Variants in NUTF2 observed in about 807,000 individuals in gnomAD.
The protein encoded by NUTF2 is placental protein 15.
In NUTF2, 3 loss-of-function variants were observed where a neutral mutation model predicts 18.5. The observed-to-expected ratio is 0.16, with a 90% confidence interval of 0.07 to 0.42. The LOEUF (loss-of-function observed/expected upper bound fraction) is 0.42, where lower values mean the gene tolerates loss of function less well. Among genes scored for constraint, NUTF2 ranks in the 10% least tolerant of loss-of-function variants. The pLI is 0.99. For synonymous variants in NUTF2, 51 were observed against 57.9 expected (o/e 0.88, Z 0.54); for missense variants, 44 against 160.7 (o/e 0.27, Z 3.93).
At chr16:67,854,841 G>A (rs2057883888) in intron 1 of NUTF2, among the ~76,000 whole-genome samples, 1 of 152,078 alleles carries the variant, frequency 6.6e-6, no homozygotes, top group Admixed American at 6.5e-5. Context: ...CCAGCTACAC[G>A]GGAGGCAAGA....
intron 1 of NUTF2, among the ~76,000 whole-genome samples, chr16:67,849,514 G>A (rs2057836915): frequency 6.7e-6 from 1 of 150,250 alleles, no homozygotes. Context: ...GCTAATTTCT[G>A]TATTTTTAGT....
At chr16:67,854,873 C>T (rs927754881) in intron 1 of NUTF2, among the ~76,000 whole-genome samples, 5 of 151,988 alleles carry the variant, frequency 3.3e-5, no homozygotes, top group African/African-American at 7.2e-5. Context: ...ACCTGGGAGG[C>T]GGAGGTTGCG....
At chr16:67,856,492 G>GTTT (rs34691084) in intron 1 of NUTF2, among the ~76,000 whole-genome samples, 1 of 129,440 alleles carries the variant, frequency 7.7e-6, no homozygotes. Flanking sequence ...CCCTGGCCCA[G>GTTT]TTTTTTTTTT....
chr16:67,854,807 G>A (rs572410117), intron 1 of NUTF2, among the ~76,000 whole-genome samples: 2 of 152,268 alleles, frequency 1.3e-5, no homozygotes, highest in Admixed American at 1.3e-4. Context: ...AATTAGCAGG[G>A]CATGGTGGCA....
intron 2 of NUTF2, among the ~76,000 whole-genome samples, chr16:67,867,649 C>T (rs1316646609): frequency 2.6e-5 from 4 of 151,920 alleles, no homozygotes; most frequent in Non-Finnish European, 5.9e-5. Context: ...TAGCCTCGGC[C>T]CTGGAGGGTG....
chr16:67,856,223 C>G (rs535249714), intron 1 of NUTF2: 1 of 237,784 alleles, frequency 4.2e-6, no homozygotes, highest in African/African-American at 2.3e-5. Flanking sequence ...GAGACAGTCT[C>G]GCTCTGTCGC....
At position 67,865,108 on chromosome 16, in the gene NUTF2, G is replaced by A; in HGVS notation, c.-23G>A. 1.3e-6 allele frequency: 2 copies of A among 1,571,708 alleles called. No individual in the cohort carries two copies. Among genetic ancestry groups the A allele is most frequent in the Non-Finnish European group, 1.7e-6 (2 of 1,143,676 alleles). On this transcript the variant is annotated 5_prime_UTR_variant, in exon 2 of 5. It adds an upstream start codon to the 5' untranslated region. Coordinates refer to ENST00000219169, the MANE Select transcript of NUTF2 (RefSeq NM_005796.3). ...GGTCTCATTGGTCTTGCAGGTCTCC[G>A]TGAGGCCGGGTGACGCTCCAGAATG...
intron 1 of NUTF2, among the ~76,000 whole-genome samples, chr16:67,864,725 T>C (rs2057958781): frequency 6.6e-6 from 1 of 152,238 alleles, no homozygotes. Context: ...GAGGATTACA[T>C]GGAAAGATAC....
In NUTF2 at chr16:67,852,449, C is replaced by T. The variant is rs200592245; in HGVS notation, c.-30+5464C>T. 1.1e-4 allele frequency among the ~76,000 whole-genome samples: 17 copies of T among 151,042 alleles called. No individual in the cohort carries two copies. In the East Asian group the frequency reaches 2.2e-3, roughly 19 times the overall value. On this transcript the variant is annotated intron_variant, in intron 1 of 4. Transcript: ENST00000219169. The stretch of plus-strand genomic sequence containing the variant: ...TCGGCTCACTGCAACCCCCGCCCTC[C>T]GGGTTCAAGCAATTCTCCTGTGTCA...
intron 2 of NUTF2, among the ~76,000 whole-genome samples, chr16:67,866,645 T>C (rs561371416): frequency 1.3e-4 from 20 of 152,214 alleles, no homozygotes; most frequent in African/African-American, 4.1e-4. Flanking sequence ...TTTGTATTTT[T>C]TAGTAGAGAT....
chr16:67,868,528 A>G lies in NUTF2; in HGVS notation c.199A>G (p.Ser67Gly). The G allele has an allele frequency of 6.2e-7, 1 of 1,614,142 alleles. No homozygotes were observed. ...CCTTCCGTTCCAGAAAATTCAGCAC[A>G]GCATCACCGCGCAGGACCATCAGCC... The part of the protein sequence containing the change: ...SSLPFQKIQH[S>G]ITAQDHQPTP... The change falls in exon 4 of 5, where the codon AGC (serine) becomes GGC (glycine). Residue 67 changes from serine to glycine, a missense_variant. Coordinates refer to ENST00000219169, the MANE Select transcript of NUTF2 (RefSeq NM_005796.3).
At chr16:67,865,544 T>A (rs1192919768) in intron 2 of NUTF2, among the ~76,000 whole-genome samples, 1 of 152,168 alleles carries the variant, frequency 6.6e-6, no homozygotes, top group Non-Finnish European at 1.5e-5. Flanking sequence ...TGGTGCCCTC[T>A]GGAGGCAGCA....
intron 1 of NUTF2, among the ~76,000 whole-genome samples, chr16:67,854,559 T>C (rs974539544): frequency 6.6e-6 from 1 of 152,178 alleles, no homozygotes; most frequent in African/African-American, 2.4e-5. Flanking sequence ...ATTCAGACCA[T>C]TTTCGTTGAG....
At chr16:67,865,354 T>C (rs571730145) in intron 2 of NUTF2, 125 bp downstream of exon 2, 5 of 645,044 alleles carry the variant, frequency 7.8e-6, no homozygotes, top group East Asian at 5.5e-5. Flanking sequence ...ATCTGAACTT[T>C]TGTCCACGGG....
intron 2 of NUTF2, among the ~76,000 whole-genome samples, chr16:67,867,933 G>A (rs190870994): frequency 8.3e-4 from 127 of 152,210 alleles, no homozygotes; most frequent in Middle Eastern, 3.4e-3. Flanking sequence ...TGATCTTCCC[G>A]CCTTGGCTTC....
intron 1 of NUTF2, among the ~76,000 whole-genome samples, chr16:67,863,680 T>C (rs141703374): frequency 7.2e-5 from 11 of 152,326 alleles, no homozygotes; most frequent in Middle Eastern, 3.4e-3. Context: ...TGCGAATGCT[T>C]GTCTGCTGGG....
chr16:67,849,714 A>T (rs1003752961), intron 1 of NUTF2, among the ~76,000 whole-genome samples: 17 of 140,914 alleles, frequency 1.2e-4, no homozygotes, highest in African/African-American at 2.9e-4. Context: ...GCTGGAGTGC[A>T]GTGGTGCGAT....
At chr16:67,854,229 G>A (rs767019487) in intron 1 of NUTF2, among the ~76,000 whole-genome samples, 6 of 152,238 alleles carry the variant, frequency 3.9e-5, no homozygotes, top group Non-Finnish European at 5.9e-5. Context: ...GATTACAGGC[G>A]TGAGCCACTG....
At chr16:67,868,703 A>C (rs1469881310) in intron 4 of NUTF2, 104 bp downstream of exon 4, 1 of 1,072,368 alleles carries the variant, frequency 9.3e-7, no homozygotes, top group Non-Finnish European at 1.4e-6. Context: ...GGACACCCAG[A>C]CAAAGTGACT....
Sources: gnomAD v4.1 joint callset for allele counts (sites outside exome capture counted in the v4.1 genomes callset) on GRCh38, gnomAD v4.1.1 for gene constraint, MANE v1.5 for transcripts, NCBI Gene and HGNC (gene_info 2026-07-23, HGNC 2026-07-21) for gene names.